DTD1: variants seen among roughly 807,000 people sequenced by gnomAD.
The protein encoded by DTD1 is D-tyrosyl-tRNA deacylase 1 homolog.
A neutral mutation model predicts 25.6 loss-of-function variants in DTD1; 13 were observed. The observed-to-expected ratio is 0.51, with a 90% CI of 0.33 to 0.81. The LOEUF is 0.81. Among genes scored for constraint, DTD1 ranks in the 30% least tolerant of loss-of-function variants. The pLI is 0.02. For synonymous variants in DTD1, 110 were observed against 103.6 expected (o/e 1.06, Z -0.37); for missense variants, 193 against 266.4 (o/e 0.72, Z 1.92).
chr20:18,686,384 T>G (rs553148856), intron 4 of DTD1, among the ~76,000 whole-genome samples: 1 of 152,366 alleles, frequency 6.6e-6, no homozygotes, highest in African/African-American at 2.4e-5. Flanking sequence ...CTTTGGTAAT[T>G]TCTGCAGGAT....
intron 5 of DTD1, 65 bp from the exon 6 acceptor site, chr20:18,763,295 C>A (rs992219025): frequency 6.6e-6 from 1 of 152,654 alleles, no homozygotes; most frequent in Admixed American, 6.5e-5. Flanking sequence ...TATGCCTATG[C>A]TAATAGAATC....
At chr20:18,631,737 A>C (rs1005189658) in intron 4 of DTD1, 1 of 983,768 alleles carries the variant, frequency 1.0e-6, no homozygotes, top group Non-Finnish European at 1.2e-6. Context: ...GCCTCTGGCT[A>C]CTCCCTCTGG....
chr20:18,601,451 A>G (rs1211788379), intron 3 of DTD1, among the ~76,000 whole-genome samples: 2 of 149,272 alleles, frequency 1.3e-5, no homozygotes, highest in African/African-American at 5.0e-5. Flanking sequence ...GTGAGCCGAG[A>G]TTACGCCACT....
chr20:18,625,938 C>T (rs1167875810), intron 3 of DTD1, among the ~76,000 whole-genome samples: 2 of 152,236 alleles, frequency 1.3e-5, no homozygotes, highest in African/African-American at 4.8e-5. Flanking sequence ...CATTCATGGC[C>T]ACACAGGGCC....
intron 5 of DTD1, among the ~76,000 whole-genome samples, chr20:18,752,354 T>C (rs1040913458): frequency 4.6e-4 from 70 of 152,206 alleles, no homozygotes; most frequent in African/African-American, 1.6e-3. Flanking sequence ...CTCTACAGTC[T>C]TGGATAGTCT....
intron 4 of DTD1, among the ~76,000 whole-genome samples, chr20:18,690,188 ATTATTTGTTT>A (rs2061039986): frequency 7.7e-6 from 1 of 129,634 alleles, no homozygotes; most frequent in African/African-American, 2.7e-5. Context: ...AAAAAATTGA[ATTATTTGTTT>A]TTGTCTTGTT....
intron 4 of DTD1, among the ~76,000 whole-genome samples, chr20:18,662,987 G>A (rs1478553771): frequency 6.6e-6 from 1 of 152,146 alleles, no homozygotes; most frequent in East Asian, 1.9e-4. Flanking sequence ...TGGAGAGGCT[G>A]GGGTTGTGAC....
chr20:18,648,995 C>CAAAA (rs57780175), intron 4 of DTD1, among the ~76,000 whole-genome samples: 1,184 of 56,178 alleles, frequency 0.021, 90 homozygotes, highest in African/African-American at 0.07. Flanking sequence ...GACTCCATCT[C>CAAAA]AAAAAAAAAA....
intron 4 of DTD1, among the ~76,000 whole-genome samples, chr20:18,690,422 C>T (rs2061041342): frequency 6.6e-6 from 1 of 152,182 alleles, no homozygotes; most frequent in South Asian, 2.1e-4. Context: ...TCTAGCAAAG[C>T]TTATGCCAAG....
intron 1 of DTD1, chr20:18,588,896 T>G (rs1165807761): frequency 1.0e-6 from 1 of 982,872 alleles, no homozygotes; most frequent in African/African-American, 1.7e-5. Flanking sequence ...ACGAAAGATA[T>G]TTTTTAAAAA....
At chr20:18,719,245 ATGTGTGTGTGTG>A (rs34218213) in intron 4 of DTD1, among the ~76,000 whole-genome samples, 1 of 149,074 alleles carries the variant, frequency 6.7e-6, no homozygotes. Context: ...GTATATATAT[ATGTGTGTGTGTG>A]TGTGTGTGTG....
intron 3 of DTD1, among the ~76,000 whole-genome samples, chr20:18,601,542 G>A (rs1280410438): frequency 2.7e-5 from 4 of 148,874 alleles, no homozygotes; most frequent in Non-Finnish European, 4.4e-5. Flanking sequence ...GCTTTGAAGA[G>A]AGCAGTGGGT....
At chr20:18,698,411 A>G (rs1412539153) in intron 4 of DTD1, 1 of 152,182 alleles carries the variant, frequency 6.6e-6, no homozygotes, top group African/African-American at 2.4e-5. Flanking sequence ...TCAGTGATTT[A>G]TTTTTTTAAC....
chr20:18,614,455 C>T (rs866369853), intron 3 of DTD1, among the ~76,000 whole-genome samples: 1 of 152,162 alleles, frequency 6.6e-6, no homozygotes, highest in Admixed American at 6.5e-5. Flanking sequence ...ACAGAGTTCA[C>T]GGCCAGGTCC....
rs573410689 is a variant in DTD1 at position 18,738,522 on chromosome 20, G to A, written c.478-5578G>A. Among the ~76,000 whole-genome samples the A allele has an allele frequency of 1.1e-4, 17 of 152,320 alleles. No individual in the cohort carries two copies. In the South Asian group the frequency reaches 2.5e-3, roughly 22 times the overall value. On this transcript the variant is annotated intron_variant, in intron 4 of 5. Coordinates refer to ENST00000377452, the MANE Select transcript of DTD1 (RefSeq NM_080820.6). ...GTGCACCTCTGGATGTCCCCTCCTC[G>A]TTTTGAGAGCTGCACCATTCCGAAG... is the stretch of plus-strand genomic sequence containing the variant.
At chr20:18,724,748 C>T (rs917804290) in intron 4 of DTD1, among the ~76,000 whole-genome samples, 1 of 152,206 alleles carries the variant, frequency 6.6e-6, no homozygotes, top group Non-Finnish European at 1.5e-5. Context: ...CTTCCCTCCC[C>T]TGGAAAGATT....
intron 4 of DTD1, among the ~76,000 whole-genome samples, chr20:18,699,758 ATGTGTGTGTT>A (rs1022754149): frequency 2.0e-5 from 3 of 152,262 alleles, no homozygotes; most frequent in African/African-American, 7.2e-5. Context: ...AAGAGTGATC[ATGTGTGTGTT>A]TGTGTGTGTG....
At chr20:18,723,969 C>T (rs1317460139) in intron 4 of DTD1, among the ~76,000 whole-genome samples, 3 of 152,184 alleles carry the variant, frequency 2.0e-5, no homozygotes, top group Admixed American at 6.5e-5. Flanking sequence ...GTGTTGGCTT[C>T]CCTCATGGTC....
intron 4 of DTD1, among the ~76,000 whole-genome samples, chr20:18,734,508 T>A (rs7265487): frequency 6.6e-6 from 1 of 152,046 alleles, no homozygotes; most frequent in East Asian, 1.9e-4. Flanking sequence ...GTGCCCTTTT[T>A]GGGCTTTATT....
Sources: allele counts gnomAD v4.1 joint callset (sites outside exome capture counted in the v4.1 genomes callset), GRCh38; gene constraint gnomAD v4.1.1; transcripts MANE v1.5; gene names NCBI Gene and HGNC (gene_info 2026-07-23, HGNC 2026-07-21).